CASZ1: variants seen among roughly 807,000 people sequenced by gnomAD.
CASZ1 encodes castor zinc finger 1.
CASZ1 carries 28 observed loss-of-function variants against 135.2 expected under a neutral mutation model. The observed-to-expected ratio is 0.21, with a 90% CI of 0.15 to 0.28. CASZ1 has a LOEUF of 0.28. CASZ1 is among the 10% of genes least tolerant of loss of function. The probability of loss-of-function intolerance (pLI) is 1.00; values close to 1 mark genes in which losing one functional copy is unlikely to be tolerated. For synonymous variants in CASZ1, 1,068 were observed against 1,073.4 expected, an observed-to-expected ratio of 0.99 and a Z score of 0.10; for missense variants, 2,161 against 2,453.3, an observed-to-expected ratio of 0.88 and a Z score of 2.52.
At chr1:10,682,015 C>T (rs534825759) in intron 4 of CASZ1, among the ~76,000 whole-genome samples, 43 of 152,354 alleles carry the variant, frequency 2.8e-4, no homozygotes, top group African/African-American at 1.0e-3. Context: ...CAACTGTTTG[C>T]AGTGAAGTGC....
rs76113893 is a variant in CASZ1, at chr1:10,657,998, T to C, written c.1409+510A>G. On this transcript the variant is annotated intron_variant, in intron 7 of 20. Transcript: ENST00000377022. The surrounding 1 kb of genome is among the most constrained non-coding windows in gnomAD (Gnocchi z 5.7). ...CTTCTCTCTCGCTTTCTCTCTCTCT[T>C]TTTTTTTTTTTTTTTAAAGAGATAG... 2,558 of 123,954 alleles carry C rather than the reference T, an allele frequency of 0.021. 60 individuals are homozygous for C. The highest frequency in any genetic ancestry group is 0.081 in the Admixed American group (1,070 of 13,210). The allele number at this position is 123,954 out of a possible 1,614,324, so 7.7% of individuals were successfully genotyped here. A position where few individuals can be genotyped will look rare whatever the true frequency, so the allele number is the denominator to read the frequency against.
At chr1:10,693,622 C>T (rs886380787) in intron 4 of CASZ1, among the ~76,000 whole-genome samples, 7 of 151,968 alleles carry the variant, frequency 4.6e-5, no homozygotes, top group Admixed American at 4.6e-4. Flanking sequence ...TGCCCCCCAG[C>T]TCCTGCTCCT....
chr1:10,670,172 G>A (rs1395170053), intron 4 of CASZ1, among the ~76,000 whole-genome samples: 1 of 152,220 alleles, frequency 6.6e-6, no homozygotes, highest in Non-Finnish European at 1.5e-5. Context: ...GGTGTCTGGG[G>A]CCATAGAGCA....
intron 4 of CASZ1, among the ~76,000 whole-genome samples, chr1:10,691,365 T>A (rs1347933822): frequency 6.6e-6 from 1 of 152,000 alleles, no homozygotes; most frequent in Non-Finnish European, 1.5e-5. Context: ...CCCCTGAGGG[T>A]CCTGAGGTCC....
At chr1:10,716,547 T>TA (rs1639396730) in intron 2 of CASZ1, among the ~76,000 whole-genome samples, 1 of 152,166 alleles carries the variant, frequency 6.6e-6, no homozygotes, top group African/African-American at 2.4e-5. Context: ...GTGCTGAGCG[T>TA]AAAGCCAGAC....
chr1:10,688,188 C>G (rs1245659573), intron 4 of CASZ1, among the ~76,000 whole-genome samples: 3 of 152,146 alleles, frequency 2.0e-5, no homozygotes, highest in Non-Finnish European at 4.4e-5. Flanking sequence ...GATCAGGGCA[C>G]ATGAGTCCGA....
chr1:10,785,631 C>G (rs1570591793), intron 1 of CASZ1, among the ~76,000 whole-genome samples: 1 of 152,332 alleles, frequency 6.6e-6, no homozygotes, highest in South Asian at 2.1e-4. Context: ...CCACCCAGGC[C>G]TGGGGAGCAC....
intron 4 of CASZ1, among the ~76,000 whole-genome samples, chr1:10,686,447 C>T (rs1253035489): frequency 6.6e-6 from 1 of 152,220 alleles, no homozygotes; most frequent in Non-Finnish European, 1.5e-5. Context: ...CTTTCTCCTT[C>T]CTGTTTTACC....
chr1:10,714,309 A>G (rs2100464530), intron 2 of CASZ1, among the ~76,000 whole-genome samples: 2 of 151,852 alleles, frequency 1.3e-5, no homozygotes, highest in South Asian at 2.1e-4. Context: ...CTCCATCTCA[A>G]AGAAAGAAAG....
Position 10,651,226 on chromosome 1 carries a change from C to T in CASZ1, c.2681-150G>A, listed in dbSNP as rs1054899127. The T allele has an allele frequency of 2.0e-5, 10 of 495,788 alleles. No homozygotes were observed. The South Asian group carries it at 2.4e-4, about 12-fold the overall frequency. The allele number at this position is 495,788 out of a possible 1,614,324, so 30.7% of individuals were successfully genotyped here. On this transcript the variant is annotated intron_variant, in intron 11 of 20. Coordinates refer to ENST00000377022, the MANE Select transcript of CASZ1 (RefSeq NM_001079843.3). ...CTCCCGCTGACGTGATCGCTCGCGA[C>T]GCTCGCTCCTGTGTGGCAATTCTTC... is the stretch of plus-strand genomic sequence containing the variant.
At chr1:10,668,424 A>G (rs1397791616) in intron 4 of CASZ1, among the ~76,000 whole-genome samples, 1 of 152,188 alleles carries the variant, frequency 6.6e-6, no homozygotes, top group Non-Finnish European at 1.5e-5. Flanking sequence ...TGCTCTATTT[A>G]CACTGGACAC....
At chr1:10,769,629 G>T (rs544068431) in intron 1 of CASZ1, among the ~76,000 whole-genome samples, 2 of 151,894 alleles carry the variant, frequency 1.3e-5, no homozygotes, top group Non-Finnish European at 2.9e-5. Flanking sequence ...CGATTCTCCT[G>T]CCTCTGCCTC....
chr1:10,660,556 C>A lies in CASZ1; in HGVS notation c.506-20G>T. The A allele has an allele frequency of 6.3e-7, 1 of 1,597,484 alleles. No individual in the cohort carries two copies. Among genetic ancestry groups the A allele is most frequent in the Middle Eastern group, 1.7e-4 (1 of 6,028 alleles). Reference sequence around the variant, plus strand: ...CCTCTCCTGCAGAGGAGGATGGGGGCGCATCACCTCTGGGAGGGAGTGGGA... The same window carrying A: ...CCTCTCCTGCAGAGGAGGATGGGGGAGCATCACCTCTGGGAGGGAGTGGGA... On this transcript the variant is annotated intron_variant, in intron 5 of 20. Transcript: ENST00000377022.
Position 10,657,359 on chromosome 1 carries a change from C to T in CASZ1, c.1410-623G>A, listed in dbSNP as rs931971493. The stretch of plus-strand genomic sequence containing the variant: ...TGGCTCCCACAGCCTCGGTGACGGC[C>T]GGCCGTGGGGAGGCCACTCTGGAGA... On this transcript the variant is annotated intron_variant, in intron 7 of 20. Coordinates refer to ENST00000377022, the MANE Select transcript of CASZ1 (RefSeq NM_001079843.3). The surrounding 1 kb of genome is among the most constrained non-coding windows in gnomAD (Gnocchi z 5.7). Among the ~76,000 whole-genome samples, 2 of 152,154 alleles carry T rather than the reference C, an allele frequency of 1.3e-5. No homozygotes were observed. Among genetic ancestry groups the T allele is most frequent in the African/African-American group, 2.4e-5 (1 of 41,438 alleles).
At chr1:10,670,362 C>A (rs1030243895) in intron 4 of CASZ1, among the ~76,000 whole-genome samples, 1 of 152,226 alleles carries the variant, frequency 6.6e-6, no homozygotes, top group African/African-American at 2.4e-5. Flanking sequence ...GGCTCAGATG[C>A]CCAAGGTCAT....
At chr1:10,792,456 C>T (rs1640979578) in intron 1 of CASZ1, among the ~76,000 whole-genome samples, 1 of 150,654 alleles carries the variant, frequency 6.6e-6, no homozygotes, top group Non-Finnish European at 1.5e-5. Context: ...AACATTCACT[C>T]CCCCTACCTC....
chr1:10,743,259 T>C (rs1639962453), intron 2 of CASZ1, among the ~76,000 whole-genome samples: 1 of 151,990 alleles, frequency 6.6e-6, no homozygotes, highest in Middle Eastern at 3.2e-3. Context: ...TAGCTGTCCC[T>C]TGAGGCCCAA....
At position 10,794,442 on chromosome 1, in the gene CASZ1, C is replaced by A; in HGVS notation, c.-234+2122G>T. Among the ~76,000 whole-genome samples the A allele has an allele frequency of 6.6e-6, 1 of 151,630 alleles. No individual in the cohort carries two copies. The highest frequency in any genetic ancestry group is 2.0e-4 in the East Asian group (1 of 5,036). ...CCCCCACACTCCACTCGGTCAGAAA[C>A]GCACACTCCGCCCCGTGGCCCAGTG... On this transcript the variant is annotated intron_variant, in intron 1 of 20. Transcript: ENST00000377022. The surrounding 1 kb of genome is among the most constrained non-coding windows in gnomAD (Gnocchi z 5.6).
In CASZ1 at chr1:10,735,224, A is replaced by G. The variant is rs993474918; in HGVS notation, c.-77+25477T>C. Among the ~76,000 whole-genome samples, 2 of 152,234 alleles carry G rather than the reference A, an allele frequency of 1.3e-5. No homozygotes were observed. Among genetic ancestry groups the G allele is most frequent in the Non-Finnish European group, 2.9e-5 (2 of 68,050 alleles). On this transcript the variant is annotated intron_variant, in intron 2 of 20. Transcript: ENST00000377022. This position sits in a 1 kb window ranked among gnomAD's most constrained non-coding sequence, Gnocchi z 5.1. ...GTTGTCATGGCGACGGGTTAATTAC[A>G]TCTCAAATTAACAATGCAAGTGTGG...
Sources: allele counts gnomAD v4.1 joint callset (sites outside exome capture counted in the v4.1 genomes callset), GRCh38; gene constraint gnomAD v4.1.1; non-coding constraint Gnocchi (gnomAD v3.1); transcripts MANE v1.5; gene names NCBI Gene and HGNC (gene_info 2026-07-23, HGNC 2026-07-21).